ELOVL7: variants seen among roughly 807,000 people sequenced by gnomAD.
The protein encoded by ELOVL7 is ELOVL fatty acid elongase 7, also known as very long chain fatty acid elongase 7.
ELOVL7 carries 27 observed loss-of-function variants against 35.7 expected under a neutral mutation model. The observed-to-expected ratio is 0.76, with a 90% CI of 0.56 to 1.04. The LOEUF (loss-of-function observed/expected upper bound fraction) is 1.04, where lower values mean the gene tolerates loss of function less well. ELOVL7 is among the 50% of genes least tolerant of loss of function. The pLI is 0.00. For missense variants in ELOVL7, 327 were observed against 340.8 expected, an observed-to-expected ratio of 0.96 and a Z score of 0.32; for synonymous variants, 113 against 114.6, an observed-to-expected ratio of 0.99 and a Z score of 0.09.
chr5:60,791,771 C>A (rs976894590), intron 2 of ELOVL7, among the ~76,000 whole-genome samples: 1 of 152,144 alleles, frequency 6.6e-6, no homozygotes, highest in Admixed American at 6.6e-5. Context: ...ATATACCAGC[C>A]CTTGACCCAT....
At chr5:60,827,900 CCTT>C (rs1304449978) in intron 1 of ELOVL7, among the ~76,000 whole-genome samples, 1 of 152,070 alleles carries the variant, frequency 6.6e-6, no homozygotes, top group Admixed American at 6.6e-5. Context: ...CAGAATCTCT[CCTT>C]CTTCATCTTT....
At chr5:60,780,599 T>G (rs1743188671) in intron 3 of ELOVL7, among the ~76,000 whole-genome samples, 1 of 152,198 alleles carries the variant, frequency 6.6e-6, no homozygotes, top group African/African-American at 2.4e-5. Flanking sequence ...TACCCAAGAT[T>G]GGGTAATTTA....
At chr5:60,829,061 C>T (rs1307175534) in intron 1 of ELOVL7, among the ~76,000 whole-genome samples, 1 of 151,918 alleles carries the variant, frequency 6.6e-6, no homozygotes, top group African/African-American at 2.4e-5. Flanking sequence ...CAGTTCATTA[C>T]ATCATTCTAC....
At chr5:60,779,260 G>T (rs113988181) in intron 3 of ELOVL7, among the ~76,000 whole-genome samples, 4,074 of 152,256 alleles carry the variant, frequency 0.027, 142 homozygotes, top group African/African-American at 0.074. Flanking sequence ...TCTTCTCACA[G>T]CTCCACTAGG....
chr5:60,786,371 C>T (rs925292227), intron 3 of ELOVL7, among the ~76,000 whole-genome samples: 2 of 152,108 alleles, frequency 1.3e-5, no homozygotes, highest in African/African-American at 2.4e-5. Flanking sequence ...ACAAATATAA[C>T]TACGGAAATA....
chr5:60,832,200 G>T (rs893158392), intron 1 of ELOVL7, among the ~76,000 whole-genome samples: 1 of 152,166 alleles, frequency 6.6e-6, no homozygotes, highest in African/African-American at 2.4e-5. Context: ...TGGAGCCTCA[G>T]AATTTTTGGT....
intron 1 of ELOVL7, among the ~76,000 whole-genome samples, chr5:60,813,583 C>G (rs1448568339): frequency 6.6e-6 from 1 of 152,186 alleles, no homozygotes; most frequent in Non-Finnish European, 1.5e-5. Flanking sequence ...TTATTTCTCA[C>G]CTGCCCCCAT....
At chr5:60,833,545 T>C (rs1746611277) in intron 1 of ELOVL7, among the ~76,000 whole-genome samples, 1 of 151,996 alleles carries the variant, frequency 6.6e-6, no homozygotes, top group Non-Finnish European at 1.5e-5. Flanking sequence ...TCTAGGATTA[T>C]CTCCCAAATA....
intron 1 of ELOVL7, among the ~76,000 whole-genome samples, chr5:60,835,420 AT>A (rs934702988): frequency 2.0e-5 from 3 of 149,784 alleles, no homozygotes; most frequent in South Asian, 2.1e-4. Flanking sequence ...TTATTTTTGA[AT>A]TTTTTTTTTA....
At chr5:60,841,474 C>T (rs1747169033) in intron 1 of ELOVL7, among the ~76,000 whole-genome samples, 1 of 152,170 alleles carries the variant, frequency 6.6e-6, no homozygotes, top group Non-Finnish European at 1.5e-5. Flanking sequence ...TGATCTTATC[C>T]TTTTGGTACC....
intron 8 of ELOVL7, among the ~76,000 whole-genome samples, chr5:60,757,077 C>G (rs1741580339): frequency 6.6e-6 from 1 of 151,976 alleles, no homozygotes; most frequent in Non-Finnish European, 1.5e-5. Flanking sequence ...TTTTTATTGA[C>G]TGGAGGGAAG....
intron 1 of ELOVL7, among the ~76,000 whole-genome samples, chr5:60,840,385 AT>A (rs1313174291): frequency 6.6e-6 from 1 of 152,198 alleles, no homozygotes; most frequent in Non-Finnish European, 1.5e-5. Context: ...AGAAGCAGAG[AT>A]TAGAGTGATG....
chr5:60,758,983 T>G (rs533331717), intron 7 of ELOVL7, among the ~76,000 whole-genome samples: 78 of 152,238 alleles, frequency 5.1e-4, no homozygotes, highest in African/African-American at 1.8e-3. Context: ...TAAAGGAAAA[T>G]ACAAATTCAT....
At chr5:60,837,934 C>A (rs2112408401) in intron 1 of ELOVL7, among the ~76,000 whole-genome samples, 1 of 152,064 alleles carries the variant, frequency 6.6e-6, no homozygotes, top group South Asian at 2.1e-4. Context: ...AAAACTCTGT[C>A]TCAAAAAAAA....
At chr5:60,773,940 C>CA (rs1331436857) in intron 3 of ELOVL7, among the ~76,000 whole-genome samples, 1 of 152,030 alleles carries the variant, frequency 6.6e-6, no homozygotes, top group Non-Finnish European at 1.5e-5. Context: ...CGTATTTGGC[C>CA]AAAAAACACT....
At position 60,759,719 on chromosome 5, in the gene ELOVL7, C is replaced by T. The variant is rs543527839; in HGVS notation, c.500-2074G>A. On this transcript the variant is annotated intron_variant, in intron 7 of 8. Transcript: ENST00000508821. ...TAGTTACATATGTATACATGTGCCA[C>T]GCTGGTGTGCTGCACCCATTAACTT... 3.0e-3 allele frequency among the ~76,000 whole-genome samples: 458 copies of T among 151,472 alleles called. 3 individuals carry two copies. The highest frequency in any genetic ancestry group is 0.01 in the African/African-American group (428 of 41,250).
In ELOVL7 at chr5:60,767,890, C is replaced by T. The variant is rs1188949091; in HGVS notation, c.269G>A (p.Gly90Asp). The stretch of plus-strand genomic sequence containing the variant: ...TCGAAATGAATAACCTATACCCCAG[C>T]CAGACATCACAAACTGCAAGAGAGC... ...VYMCYEFVMS[G>D]WGIGYSFRCD... Residue 90 changes from glycine to aspartate, a missense_variant, in exon 5 of 9, where the codon GGC (glycine) becomes GAC (aspartate). Gly to Asp is a moderately conservative substitution (Grantham distance 94, BLOSUM62 -1). Coordinates refer to ENST00000508821, the MANE Select transcript of ELOVL7 (RefSeq NM_024930.3). 1 of 1,613,552 alleles carries T rather than the reference C, an allele frequency of 6.2e-7. No homozygotes were observed.
intron 3 of ELOVL7, among the ~76,000 whole-genome samples, chr5:60,782,050 A>G (rs1743287358): frequency 1.3e-5 from 2 of 152,232 alleles, no homozygotes; most frequent in Admixed American, 6.5e-5. Flanking sequence ...TCAGAATCCT[A>G]GGACACGGTT....
chr5:60,773,785 G>A (rs1292159739), intron 3 of ELOVL7, among the ~76,000 whole-genome samples: 1 of 152,210 alleles, frequency 6.6e-6, no homozygotes, highest in Non-Finnish European at 1.5e-5. Flanking sequence ...ATGGAAACAA[G>A]CTATTTAAAG....
Sources: gnomAD v4.1 joint callset for allele counts (sites outside exome capture counted in the v4.1 genomes callset) on GRCh38, gnomAD v4.1.1 for gene constraint, MANE v1.5 for transcripts, NCBI Gene and HGNC (gene_info 2026-07-23, HGNC 2026-07-21) for gene names.